Variants in CNTNAP2 observed in about 807,000 individuals in gnomAD.
CNTNAP2 encodes the protein contactin associated protein 2.
In CNTNAP2, 98 loss-of-function variants were observed where a neutral mutation model predicts 155.2. The observed-to-expected ratio is 0.63, with a 90% CI of 0.54 to 0.75. The LOEUF is 0.75. CNTNAP2 is among the 30% of genes least tolerant of loss of function. The pLI is 0.00. For missense variants in CNTNAP2, 1,727 were observed against 1,688.1 expected, an observed-to-expected ratio of 1.02 and a Z score of -0.40; for synonymous variants, 651 against 631.2, an observed-to-expected ratio of 1.03 and a Z score of -0.47.
intron 11 of CNTNAP2, among the ~76,000 whole-genome samples, chr7:147,556,776 A>G (rs1799959677): frequency 6.6e-6 from 1 of 152,206 alleles, no homozygotes; most frequent in Admixed American, 6.5e-5. Context: ...GAACTGTATC[A>G]TTATTATTAA....
chr7:147,142,855 T>C (rs1268409699), intron 8 of CNTNAP2, among the ~76,000 whole-genome samples: 3 of 152,148 alleles, frequency 2.0e-5, no homozygotes, highest in Non-Finnish European at 4.4e-5. Context: ...CTACTTTGCG[T>C]CATATTGACT....
intron 1 of CNTNAP2, among the ~76,000 whole-genome samples, chr7:146,296,982 C>G (rs1017920790): frequency 6.6e-6 from 1 of 150,734 alleles, no homozygotes; most frequent in Non-Finnish European, 1.5e-5. Context: ...GTGTGTGTTT[C>G]TGTGTGTGTG....
chr7:146,220,494 C>A (rs1241673432), intron 1 of CNTNAP2, among the ~76,000 whole-genome samples: 2 of 152,076 alleles, frequency 1.3e-5, no homozygotes, highest in African/African-American at 2.4e-5. Flanking sequence ...TTTGTTTGTT[C>A]TTGTGAAAAA....
chr7:146,247,323 A>G (rs1388862233), intron 1 of CNTNAP2, among the ~76,000 whole-genome samples: 1 of 152,204 alleles, frequency 6.6e-6, no homozygotes, highest in African/African-American at 2.4e-5. Context: ...CCGGAGGGCT[A>G]GAGGTGGAAC....
At chr7:146,827,949 C>T (rs1359653615) in intron 2 of CNTNAP2, among the ~76,000 whole-genome samples, 1 of 152,012 alleles carries the variant, frequency 6.6e-6, no homozygotes, top group African/African-American at 2.4e-5. Context: ...TTATTTTTCA[C>T]ACATAAGACT....
chr7:148,100,757 T>C (rs1304972773), intron 15 of CNTNAP2, among the ~76,000 whole-genome samples: 2 of 152,182 alleles, frequency 1.3e-5, no homozygotes, highest in Non-Finnish European at 2.9e-5. Context: ...CATTTTTTGC[T>C]ATTTGAAACT....
chr7:146,474,856 T>A (rs1163470687), intron 1 of CNTNAP2, among the ~76,000 whole-genome samples: 1 of 152,176 alleles, frequency 6.6e-6, no homozygotes, highest in Non-Finnish European at 1.5e-5. Flanking sequence ...GCTTCTCATC[T>A]CTACTTATCA....
At chr7:146,243,097 G>A (rs1317839632) in intron 1 of CNTNAP2, among the ~76,000 whole-genome samples, 1 of 151,944 alleles carries the variant, frequency 6.6e-6, no homozygotes, top group Non-Finnish European at 1.5e-5. Context: ...AAGCTGTTTA[G>A]TAATCTAGTT....
chr7:147,267,177 A>G (rs1804631227), intron 8 of CNTNAP2, among the ~76,000 whole-genome samples: 1 of 152,220 alleles, frequency 6.6e-6, no homozygotes, highest in African/African-American at 2.4e-5. Context: ...TGATAGTCCA[A>G]ATTAAATGCT....
intron 1 of CNTNAP2, among the ~76,000 whole-genome samples, chr7:146,448,336 G>T: frequency 6.6e-6 from 1 of 151,796 alleles, no homozygotes; most frequent in East Asian, 1.9e-4. Flanking sequence ...CTGCCTTCCA[G>T]CTCAAAATAT....
chr7:147,824,281 T>C (rs961889015), intron 13 of CNTNAP2, among the ~76,000 whole-genome samples: 2 of 152,206 alleles, frequency 1.3e-5, no homozygotes, highest in Non-Finnish European at 2.9e-5. Flanking sequence ...CTTCCTTGTC[T>C]TCTAGTAGTA....
intron 8 of CNTNAP2, among the ~76,000 whole-genome samples, chr7:147,292,540 T>G (rs1805337574): frequency 6.6e-6 from 1 of 152,196 alleles, no homozygotes; most frequent in South Asian, 2.1e-4. Flanking sequence ...TCGGTTAGAA[T>G]CGCATGGTAT....
At chr7:148,413,458 T>G (rs1799902260) in intron 23 of CNTNAP2, among the ~76,000 whole-genome samples, 1 of 128,402 alleles carries the variant, frequency 7.8e-6, no homozygotes, top group African/African-American at 3.0e-5. Context: ...TGCTCCATAG[T>G]TTTCTTGTAA....
At chr7:148,198,691 C>T (rs1348027080) in intron 18 of CNTNAP2, among the ~76,000 whole-genome samples, 2 of 152,198 alleles carry the variant, frequency 1.3e-5, no homozygotes, top group Non-Finnish European at 2.9e-5. Context: ...CAGATATGTC[C>T]TTGTCTTAGC....
At chr7:148,296,452 C>A (rs950012839) in intron 21 of CNTNAP2, among the ~76,000 whole-genome samples, 1 of 144,534 alleles carries the variant, frequency 6.9e-6, no homozygotes, top group African/African-American at 2.6e-5. Context: ...GAGGCTGAGG[C>A]ATGAGAATTG....
intron 10 of CNTNAP2, among the ~76,000 whole-genome samples, chr7:147,411,979 T>C (rs970383744): frequency 6.6e-6 from 1 of 152,242 alleles, no homozygotes; most frequent in Non-Finnish European, 1.5e-5. Flanking sequence ...ATATATTTTA[T>C]ATTTTTCCTC....
At chr7:146,174,663 C>T (rs1798444321) in intron 1 of CNTNAP2, among the ~76,000 whole-genome samples, 1 of 152,038 alleles carries the variant, frequency 6.6e-6, no homozygotes, top group South Asian at 2.1e-4. Context: ...TATGGCGAAA[C>T]CCCATCCATC....
At chr7:147,855,511 G>T (rs117645984) in intron 13 of CNTNAP2, among the ~76,000 whole-genome samples, 4,938 of 149,918 alleles carry the variant, frequency 0.033, 133 homozygotes, top group Non-Finnish European at 0.053. Flanking sequence ...TGTAGGCTCG[G>T]CATGGTGGCT....
intron 15 of CNTNAP2, among the ~76,000 whole-genome samples, chr7:147,998,568 G>A (rs1280211035): frequency 6.6e-6 from 1 of 152,144 alleles, no homozygotes; most frequent in Non-Finnish European, 1.5e-5. Flanking sequence ...AACACATAAA[G>A]GTTAAAGGGC....
Sources: gnomAD v4.1 joint callset for allele counts (sites outside exome capture counted in the v4.1 genomes callset) on GRCh38, gnomAD v4.1.1 for gene constraint, MANE v1.5 for transcripts, NCBI Gene and HGNC (gene_info 2026-07-23, HGNC 2026-07-21) for gene names.